The following GRID2 variants were observed in gnomAD, a reference collection of about 807,000 sequenced individuals.
The protein encoded by GRID2 is glutamate receptor ionotropic, delta-2.
A neutral mutation model predicts 114.8 loss-of-function variants in GRID2; 33 were observed. That is an observed-to-expected ratio of 0.29 (90% CI 0.22 to 0.38). The LOEUF is 0.38. Among genes scored for constraint, GRID2 ranks in the 10% least tolerant of loss-of-function variants. The pLI is 1.00. For synonymous variants in GRID2, 505 were observed against 449.9 expected, an observed-to-expected ratio of 1.12 and a Z score of -1.55; for missense variants, 1,184 against 1,257.7, an observed-to-expected ratio of 0.94 and a Z score of 0.89.
chr4:93,185,845 C>T (rs1021012063), intron 4 of GRID2, among the ~76,000 whole-genome samples: 3 of 152,084 alleles, frequency 2.0e-5, no homozygotes, highest in East Asian at 1.9e-4. Flanking sequence ...TTGCTGCACC[C>T]ATTAACTTGT....
intron 1 of GRID2, among the ~76,000 whole-genome samples, chr4:92,583,455 A>G (rs1484279177): frequency 6.6e-6 from 1 of 152,038 alleles, no homozygotes; most frequent in Non-Finnish European, 1.5e-5. Context: ...GAAGGGTTAG[A>G]TAAGATGAAC....
chr4:93,014,688 T>C (rs1025230680), intron 2 of GRID2, among the ~76,000 whole-genome samples: 2 of 152,122 alleles, frequency 1.3e-5, no homozygotes, highest in African/African-American at 4.8e-5. Context: ...TATGGTCAAA[T>C]GTAATTGTGA....
intron 2 of GRID2, among the ~76,000 whole-genome samples, chr4:92,996,244 T>C (rs1012415941): frequency 1.3e-5 from 2 of 151,784 alleles, no homozygotes; most frequent in Non-Finnish European, 2.9e-5. Flanking sequence ...GAGCCAAGAT[T>C]ATGCCACTGC....
At chr4:93,587,796 T>C (rs1008414680) in intron 13 of GRID2, among the ~76,000 whole-genome samples, 2 of 152,134 alleles carry the variant, frequency 1.3e-5, no homozygotes, top group African/African-American at 4.8e-5. Context: ...GTAAATTACA[T>C]ATAAATGCAT....
At chr4:92,502,908 G>A (rs1349235709) in intron 1 of GRID2, among the ~76,000 whole-genome samples, 1 of 151,688 alleles carries the variant, frequency 6.6e-6, no homozygotes, top group Non-Finnish European at 1.5e-5. Flanking sequence ...AGTAGAGACG[G>A]GGTTTCACCA....
At chr4:93,663,893 C>T (rs1723724651) in intron 14 of GRID2, among the ~76,000 whole-genome samples, 1 of 152,162 alleles carries the variant, frequency 6.6e-6, no homozygotes, top group South Asian at 2.1e-4. Context: ...TCATCTTTCT[C>T]ATACATCACC....
intron 2 of GRID2, among the ~76,000 whole-genome samples, chr4:93,007,503 T>TA (rs1441043640): frequency 6.6e-6 from 1 of 152,138 alleles, no homozygotes; most frequent in East Asian, 1.9e-4. Context: ...TGAGCTAAGG[T>TA]ACCTTTCTGG....
chr4:93,637,433 A>C (rs1250033747), intron 14 of GRID2, among the ~76,000 whole-genome samples: 3 of 152,152 alleles, frequency 2.0e-5, no homozygotes, highest in African/African-American at 4.8e-5. Flanking sequence ...AGACAATACT[A>C]TCCTGGCTCA....
chr4:93,646,211 T>A (rs1171769948), intron 14 of GRID2, among the ~76,000 whole-genome samples: 1 of 152,076 alleles, frequency 6.6e-6, no homozygotes, highest in African/African-American at 2.4e-5. Context: ...ATTGGAAAAT[T>A]TGCCTTAAAG....
intron 14 of GRID2, among the ~76,000 whole-genome samples, chr4:93,762,608 A>G (rs539562466): frequency 3.9e-4 from 60 of 152,280 alleles, no homozygotes; most frequent in African/African-American, 1.4e-3. Flanking sequence ...GAGAAAGGCA[A>G]GAAGACATTA....
chr4:92,922,260 T>C (rs199713179), intron 2 of GRID2, among the ~76,000 whole-genome samples: 1 of 152,122 alleles, frequency 6.6e-6, no homozygotes, highest in Non-Finnish European at 1.5e-5. Context: ...TTTCTTTGAC[T>C]AGGAAAGGGA....
At chr4:93,401,667 T>A (rs1002489143) in intron 9 of GRID2, among the ~76,000 whole-genome samples, 1 of 152,134 alleles carries the variant, frequency 6.6e-6, no homozygotes, top group Non-Finnish European at 1.5e-5. Flanking sequence ...GAAAAATTAC[T>A]GTCTAAATTA....
chr4:92,389,057 C>A (rs1730120135), intron 1 of GRID2, among the ~76,000 whole-genome samples: 1 of 151,930 alleles, frequency 6.6e-6, no homozygotes, highest in Non-Finnish European at 1.5e-5. Flanking sequence ...TATCTGCATA[C>A]ATAACAATTT....
chr4:92,918,116 G>A (rs1241217397), intron 2 of GRID2, among the ~76,000 whole-genome samples: 1 of 152,136 alleles, frequency 6.6e-6, no homozygotes, highest in African/African-American at 2.4e-5. Flanking sequence ...TGAAGCAATT[G>A]TGAGTGGGAG....
In GRID2 at chr4:93,517,006, G is replaced by A. The variant is rs981713356; in HGVS notation, c.2193+1595G>A. Among the ~76,000 whole-genome samples, 5 of 151,980 alleles carry A rather than the reference G, an allele frequency of 3.3e-5. No homozygotes were observed. In the South Asian group the frequency reaches 6.2e-4, roughly 19 times the overall value. ...CTGGTGTTAATGGGCACATCAATCCGGGTTTGAATCCAGCTCATTTTTTTA... is the reference window on the plus strand; with the variant it reads ...CTGGTGTTAATGGGCACATCAATCCAGGTTTGAATCCAGCTCATTTTTTTA... On this transcript the variant is annotated intron_variant, in intron 13 of 15. Transcript: ENST00000282020.
chr4:92,609,746 T>C (rs532136333), intron 2 of GRID2, among the ~76,000 whole-genome samples: 1 of 151,716 alleles, frequency 6.6e-6, no homozygotes, highest in Admixed American at 6.6e-5. Context: ...TTCAATTATC[T>C]GACCACTACT....
intron 13 of GRID2, among the ~76,000 whole-genome samples, chr4:93,548,179 T>G (rs1733411962): frequency 6.6e-6 from 1 of 151,510 alleles, no homozygotes; most frequent in Non-Finnish European, 1.5e-5. Flanking sequence ...ACCATCTCAA[T>G]TAAAAAAAAA....
At chr4:93,360,031 T>C (rs990184955) in intron 8 of GRID2, among the ~76,000 whole-genome samples, 1 of 151,662 alleles carries the variant, frequency 6.6e-6, no homozygotes, top group Non-Finnish European at 1.5e-5. Flanking sequence ...TCTTGACACG[T>C]AAATCTTCTT....
At chr4:92,414,008 T>C (rs575559105) in intron 1 of GRID2, among the ~76,000 whole-genome samples, 14 of 152,058 alleles carry the variant, frequency 9.2e-5, no homozygotes, top group Non-Finnish European at 1.5e-4. Flanking sequence ...CAAAAGGAAA[T>C]ATTGAAAATA....
Sources: allele counts gnomAD v4.1 joint callset (sites outside exome capture counted in the v4.1 genomes callset), GRCh38; gene constraint gnomAD v4.1.1; transcripts MANE v1.5; gene names NCBI Gene and HGNC (gene_info 2026-07-23, HGNC 2026-07-21).